Variants in PTPRG observed in about 807,000 individuals in gnomAD.
PTPRG encodes the protein receptor-type tyrosine-protein phosphatase gamma.
In PTPRG, 102 loss-of-function variants were observed where a neutral mutation model predicts 165.3. That is an observed-to-expected ratio of 0.62 (90% CI 0.53 to 0.73). The LOEUF (loss-of-function observed/expected upper bound fraction) is 0.73, where lower values mean the gene tolerates loss of function less well. PTPRG is among the 30% of genes least tolerant of loss of function. The pLI is 0.00. For missense variants in PTPRG, 1,866 were observed against 1,861.4 expected, an observed-to-expected ratio of 1.00 and a Z score of -0.05; for synonymous variants, 675 against 669.5, an observed-to-expected ratio of 1.01 and a Z score of -0.13.
chr3:61,562,784 C>A (rs1303815730), intron 1 of PTPRG, among the ~76,000 whole-genome samples: 3 of 152,116 alleles, frequency 2.0e-5, no homozygotes, highest in African/African-American at 7.2e-5. Context: ...GGGATGAGCC[C>A]CCTCGCTCTG....
chr3:61,782,793 T>C (rs1377407802), intron 2 of PTPRG, among the ~76,000 whole-genome samples: 1 of 152,116 alleles, frequency 6.6e-6, no homozygotes, highest in African/African-American at 2.4e-5. Flanking sequence ...TATCGTGTTT[T>C]GTTTTGTTTT....
chr3:62,281,449 T>G (rs892175792), intron 26 of PTPRG, 114 bp from the exon 27 acceptor site: 9 of 882,118 alleles, frequency 1.0e-5, no homozygotes, highest in Admixed American at 3.2e-5. Flanking sequence ...TCTTATGAAT[T>G]CAGTTTAAAC....
chr3:61,848,569 C>T (rs997248325), intron 2 of PTPRG, among the ~76,000 whole-genome samples: 1 of 152,156 alleles, frequency 6.6e-6, no homozygotes, highest in Non-Finnish European at 1.5e-5. Context: ...TCAGGTCTTG[C>T]AAATGTATTT....
Position 61,605,710 on chromosome 3 carries a change from G to A in PTPRG, c.85+43338G>A, listed in dbSNP as rs770411796. On this transcript the variant is annotated intron_variant, in intron 1 of 29. Transcript: ENST00000474889. ...CTGCCTCCCAAGTAGCTGGGACTAC[G>A]GGCACACACCACCATGCTTGGCTAA... Among the ~76,000 whole-genome samples the A allele has an allele frequency of 4.3e-4, 66 of 152,056 alleles. 1 individual carries two copies. Among genetic ancestry groups the A allele is most frequent in the South Asian group, 2.1e-3 (10 of 4,800 alleles).
intron 3 of PTPRG, among the ~76,000 whole-genome samples, chr3:62,000,275 T>C (rs962497196): frequency 8.3e-5 from 11 of 133,200 alleles, no homozygotes; most frequent in African/African-American, 3.1e-4. Flanking sequence ...AGCGAGACTC[T>C]GTCTCCAAAA....
chr3:62,234,129 A>C (rs1055958578), intron 14 of PTPRG, among the ~76,000 whole-genome samples: 4 of 152,124 alleles, frequency 2.6e-5, no homozygotes, highest in Admixed American at 1.3e-4. Flanking sequence ...TGCTGTTCTC[A>C]CTTAACACAC....
intron 17 of PTPRG, among the ~76,000 whole-genome samples, chr3:62,265,925 A>ACACACACACACACACACACACACACC: frequency 1.3e-5 from 2 of 149,872 alleles, no homozygotes; most frequent in Admixed American, 1.3e-4. Flanking sequence ...ACACACACAC[A>ACACACACACACACACACACACACACC]CCATTCTCTC....
Position 62,213,455 on chromosome 3 carries a change from C to T in PTPRG, c.2156-5396C>T, listed in dbSNP as rs1700415030. ...GCATTTGGTCCTATAAGTTACATAG[C>T]CATAACTTACATAGTCTGTTTTCAC... is the stretch of plus-strand genomic sequence containing the variant. On this transcript the variant is annotated intron_variant, in intron 12 of 29. Coordinates refer to ENST00000474889, the MANE Select transcript of PTPRG (RefSeq NM_002841.4). This position sits in a 1 kb window ranked among gnomAD's most constrained non-coding sequence, Gnocchi z 4.4. Among the ~76,000 whole-genome samples, 1 of 152,164 alleles carries T rather than the reference C, an allele frequency of 6.6e-6. No individual in the cohort carries two copies. The highest frequency in any genetic ancestry group is 2.1e-4 in the South Asian group (1 of 4,818).
chr3:61,628,381 G>A (rs1701672488), intron 1 of PTPRG, among the ~76,000 whole-genome samples: 1 of 151,838 alleles, frequency 6.6e-6, no homozygotes, highest in African/African-American at 2.4e-5. Context: ...CAGTGGCATG[G>A]TCTTGGCTCA....
At chr3:62,031,890 G>A (rs1559757134) in intron 4 of PTPRG, among the ~76,000 whole-genome samples, 1 of 152,174 alleles carries the variant, frequency 6.6e-6, no homozygotes, top group Non-Finnish European at 1.5e-5. Flanking sequence ...GCGGGTGTAG[G>A]AGGAAGAGGA....
chr3:61,833,071 G>GTGTC (rs2036351390), intron 2 of PTPRG, among the ~76,000 whole-genome samples: 1 of 150,856 alleles, frequency 6.6e-6, no homozygotes, highest in Admixed American at 6.6e-5. Flanking sequence ...ATTCCATTGT[G>GTGTC]TGTGTGTGTG....
chr3:61,904,106 C>T (rs751224450), intron 2 of PTPRG, among the ~76,000 whole-genome samples: 6 of 152,094 alleles, frequency 3.9e-5, no homozygotes, highest in South Asian at 4.2e-4. Flanking sequence ...TTTCCACAGC[C>T]GGGACTGATC....
At chr3:61,707,949 C>G (rs1019617321) in intron 1 of PTPRG, among the ~76,000 whole-genome samples, 1 of 151,918 alleles carries the variant, frequency 6.6e-6, no homozygotes, top group Non-Finnish European at 1.5e-5. Flanking sequence ...CCACTGTGAC[C>G]AGATAATTTT....
intron 3 of PTPRG, among the ~76,000 whole-genome samples, chr3:61,990,415 G>A (rs115053816): frequency 0.013 from 2,027 of 152,226 alleles, 29 homozygotes; most frequent in Non-Finnish European, 0.019. Context: ...TCATCCCTTT[G>A]TGTATCAGAC....
chr3:61,913,882 T>C (rs1243261939), intron 2 of PTPRG, among the ~76,000 whole-genome samples: 1 of 152,222 alleles, frequency 6.6e-6, no homozygotes, highest in Non-Finnish European at 1.5e-5. Flanking sequence ...AGTGTGAATG[T>C]CTGGGTTTCT....
intron 2 of PTPRG, among the ~76,000 whole-genome samples, chr3:61,780,017 G>T (rs2034499660): frequency 6.6e-6 from 1 of 152,168 alleles, no homozygotes; most frequent in South Asian, 2.1e-4. Context: ...CTCAATCTTT[G>T]TCTTGGGACC....
chr3:62,219,842 T>C lies in PTPRG; in HGVS notation c.2288+859T>C, dbSNP rs1234102001. Among the ~76,000 whole-genome samples the C allele has an allele frequency of 6.6e-6, 1 of 152,238 alleles. No individual in the cohort carries two copies. The highest frequency in any genetic ancestry group is 1.9e-4 in the East Asian group (1 of 5,200). On this transcript the variant is annotated intron_variant, in intron 13 of 29. Coordinates refer to ENST00000474889, the MANE Select transcript of PTPRG (RefSeq NM_002841.4). This position sits in a 1 kb window ranked among gnomAD's most constrained non-coding sequence, Gnocchi z 4.5. ...AAACAGATAAGAATCCTTACTGTCA[T>C]GGAGCTTACAGTTTAGTGGAGGAGG...
At position 62,195,061 on chromosome 3, in the gene PTPRG, G is replaced by A; in HGVS notation, c.1219-1G>A. 6.2e-7 allele frequency: 1 copy of A among 1,614,020 alleles called. No homozygotes were observed. The highest frequency in any genetic ancestry group is 8.5e-7 in the Non-Finnish European group (1 of 1,179,896). On this transcript the variant is annotated splice_acceptor_variant, in intron 9 of 29. Coordinates refer to ENST00000474889, the MANE Select transcript of PTPRG (RefSeq NM_002841.4). LOFTEE classifies it high-confidence loss of function. The surrounding 1 kb of genome is among the most constrained non-coding windows in gnomAD (Gnocchi z 4.4). ...ACTGCTTTTTCCTTCTTTACTTACA[G>A]AAAGCCACCATTAGCCATGTCTCAC...
intron 1 of PTPRG, among the ~76,000 whole-genome samples, chr3:61,565,954 C>T (rs980401175): frequency 6.6e-6 from 1 of 152,000 alleles, no homozygotes; most frequent in African/African-American, 2.4e-5. Flanking sequence ...TTTTCCCTCT[C>T]CCTCATGTAT....
Sources: allele counts gnomAD v4.1 joint callset (sites outside exome capture counted in the v4.1 genomes callset), GRCh38; gene constraint gnomAD v4.1.1; non-coding constraint Gnocchi (gnomAD v3.1); transcripts MANE v1.5; gene names NCBI Gene and HGNC (gene_info 2026-07-23, HGNC 2026-07-21).